The following FGF14 variants were observed in gnomAD, a reference collection of about 807,000 sequenced individuals.
FGF14 encodes fibroblast growth factor homologous factor 4.
FGF14 carries 5 observed loss-of-function variants against 25.5 expected under a neutral mutation model. That is an observed-to-expected ratio of 0.20 (90% confidence interval 0.10 to 0.41). The LOEUF (loss-of-function observed/expected upper bound fraction) is 0.41, where lower values mean the gene tolerates loss of function less well. Ranked by LOEUF, FGF14 falls within the 10% of genes least tolerant of loss-of-function variation. The pLI, the probability that FGF14 is intolerant of heterozygous loss-of-function variation, is 1.00. For synonymous variants in FGF14, 138 were observed against 118.3 expected (o/e 1.17, Z -1.08); for missense variants, 222 against 320.1 (o/e 0.69, Z 2.34).
At chr13:101,874,998 C>A (rs573289446) in intron 2 of FGF14, among the ~76,000 whole-genome samples, 188 bp downstream of exon 2, 1 of 152,224 alleles carries the variant, frequency 6.6e-6, no homozygotes, top group African/African-American at 2.4e-5. Context: ...CCATAGGTTT[C>A]TTTGGTTACT....
intron 1 of FGF14, among the ~76,000 whole-genome samples, chr13:101,977,881 A>T (rs893950515): frequency 6.6e-6 from 1 of 152,088 alleles, no homozygotes; most frequent in Non-Finnish European, 1.5e-5. Flanking sequence ...AAATCATAAG[A>T]TCAGCTAACT....
intron 1 of FGF14, among the ~76,000 whole-genome samples, chr13:102,127,508 TTATC>T (rs1164151339): frequency 1.3e-5 from 2 of 152,122 alleles, no homozygotes; most frequent in Non-Finnish European, 2.9e-5. Flanking sequence ...TCTGTAAGAG[TTATC>T]TATCATAAGG....
At chr13:101,740,856 C>T (rs934769000) in intron 3 of FGF14, among the ~76,000 whole-genome samples, 3 of 152,008 alleles carry the variant, frequency 2.0e-5, no homozygotes, top group African/African-American at 7.3e-5. Flanking sequence ...CTTCAGAAAT[C>T]TTCATGCATT....
At chr13:101,868,432 A>G (rs187272942) in intron 3 of FGF14, 9 of 308,394 alleles carry the variant, frequency 2.9e-5, no homozygotes, top group South Asian at 1.1e-4. Context: ...ACTCTCTAAG[A>G]TAAGTGCATT....
intron 1 of FGF14, among the ~76,000 whole-genome samples, chr13:102,150,916 G>A (rs1172203904): frequency 6.6e-6 from 1 of 152,232 alleles, no homozygotes; most frequent in Non-Finnish European, 1.5e-5. Flanking sequence ...AGCTGAGGCT[G>A]AGAAACTGGC....
chr13:102,362,671 GTCTC>G (rs989852871), intron 1 of FGF14, among the ~76,000 whole-genome samples: 1 of 152,116 alleles, frequency 6.6e-6, no homozygotes, highest in Non-Finnish European at 1.5e-5. Context: ...ATAAATCTGT[GTCTC>G]TCTTTCTCAT....
intron 1 of FGF14, among the ~76,000 whole-genome samples, chr13:101,899,237 C>T (rs770635036): frequency 6.6e-6 from 1 of 152,024 alleles, no homozygotes; most frequent in Non-Finnish European, 1.5e-5. Context: ...ACGATAAAAT[C>T]ATAGCTTCTA....
chr13:101,768,897 C>T (rs2038577722), intron 3 of FGF14, among the ~76,000 whole-genome samples: 1 of 152,054 alleles, frequency 6.6e-6, no homozygotes, highest in Non-Finnish European at 1.5e-5. Flanking sequence ...TCTAGATGAA[C>T]TTAGGTTGTG....
intron 3 of FGF14, among the ~76,000 whole-genome samples, chr13:101,798,990 C>A (rs1482617563): frequency 6.6e-6 from 1 of 152,110 alleles, no homozygotes; most frequent in African/African-American, 2.4e-5. Flanking sequence ...ATAATTAGAG[C>A]ATTAATCATT....
At chr13:102,017,926 T>C (rs1476170840) in intron 1 of FGF14, among the ~76,000 whole-genome samples, 1 of 152,148 alleles carries the variant, frequency 6.6e-6, no homozygotes, top group Non-Finnish European at 1.5e-5. Flanking sequence ...ATTTTTAATT[T>C]CCAACACTCC....
intron 1 of FGF14, among the ~76,000 whole-genome samples, chr13:102,373,829 G>A (rs1039847229): frequency 6.6e-6 from 1 of 152,114 alleles, no homozygotes; most frequent in African/African-American, 2.4e-5. Flanking sequence ...TAGAACAACA[G>A]CTCTCTACCT....
intron 1 of FGF14, among the ~76,000 whole-genome samples, chr13:102,326,119 A>G (rs1201830839): frequency 6.6e-6 from 1 of 152,232 alleles, no homozygotes; most frequent in Non-Finnish European, 1.5e-5. Context: ...CAAATTTTAA[A>G]GCATAACCTC....
At chr13:102,005,665 C>T (rs1236275972) in intron 1 of FGF14, among the ~76,000 whole-genome samples, 1 of 152,058 alleles carries the variant, frequency 6.6e-6, no homozygotes, top group Non-Finnish European at 1.5e-5. Flanking sequence ...CAATAAAACA[C>T]GGAAAAGTCC....
At chr13:102,249,551 T>G (rs200170176) in intron 1 of FGF14, among the ~76,000 whole-genome samples, 5 of 44,262 alleles carry the variant, frequency 1.1e-4, no homozygotes, top group African/African-American at 2.0e-4. Context: ...CTGAGAGGGG[T>G]GTGTGTGTGT....
intron 3 of FGF14, among the ~76,000 whole-genome samples, chr13:101,728,808 C>G (rs529422898): frequency 2.6e-5 from 4 of 152,250 alleles, no homozygotes; most frequent in Admixed American, 2.6e-4. Flanking sequence ...CTTCGGGTGT[C>G]TCTGCCCAGA....
intron 1 of FGF14, among the ~76,000 whole-genome samples, chr13:101,913,284 T>C (rs538927241): frequency 6.6e-6 from 1 of 152,106 alleles, no homozygotes; most frequent in East Asian, 1.9e-4. Flanking sequence ...CGGTGGAGGG[T>C]AGATGGAGCT....
At chr13:101,987,422 C>G (rs537378996) in intron 1 of FGF14, among the ~76,000 whole-genome samples, 2 of 152,148 alleles carry the variant, frequency 1.3e-5, no homozygotes, top group South Asian at 4.1e-4. Flanking sequence ...AGTCTCTGCT[C>G]AAATGTCACC....
intron 1 of FGF14, among the ~76,000 whole-genome samples, chr13:102,258,909 T>C (rs1193604797): frequency 1.3e-5 from 2 of 152,184 alleles, no homozygotes; most frequent in South Asian, 2.1e-4. Flanking sequence ...CTGTGATCCA[T>C]GGTTGGACTT....
At chr13:102,379,907 C>G (rs918719432) in intron 1 of FGF14, among the ~76,000 whole-genome samples, 1 of 152,148 alleles carries the variant, frequency 6.6e-6, no homozygotes, top group African/African-American at 2.4e-5. Flanking sequence ...GGAAAGCCAG[C>G]TAGGTCTCTG....
Sources: gnomAD v4.1 joint callset for allele counts (sites outside exome capture counted in the v4.1 genomes callset) on GRCh38, gnomAD v4.1.1 for gene constraint, MANE v1.5 for transcripts, NCBI Gene and HGNC (gene_info 2026-07-23, HGNC 2026-07-21) for gene names.